The following TNPO3 variants were observed in gnomAD, a reference collection of about 807,000 sequenced individuals.
TNPO3 encodes transportin-3.
TNPO3 carries 65 observed loss-of-function variants against 122.8 expected under a neutral mutation model. That is an observed-to-expected ratio of 0.53 (90% CI 0.43 to 0.65). The LOEUF (loss-of-function observed/expected upper bound fraction) is 0.65. TNPO3 is among the 30% of genes least tolerant of loss of function. The pLI, the probability that TNPO3 is intolerant of heterozygous loss-of-function variation, is 0.00. For missense variants in TNPO3, 850 were observed against 1,136.7 expected (o/e 0.75, Z 3.63); for synonymous variants, 372 against 411.2 (o/e 0.90, Z 1.15).
At position 128,967,349 on chromosome 7, in the gene TNPO3, T is replaced by C; in HGVS notation, c.2642A>G (p.Lys881Arg). 1 of 1,614,046 alleles carries C rather than the reference T, an allele frequency of 6.2e-7. No homozygotes were observed. Among genetic ancestry groups the C allele is most frequent in the Non-Finnish European group, 8.5e-7 (1 of 1,179,900 alleles). The change falls in exon 21 of 23, where the codon AAG becomes AGG. Residue 881 changes from lysine (K) to arginine (R), a missense_variant. Lys to Arg is a conservative substitution (Grantham distance 26). Coordinates refer to ENST00000265388, the MANE Select transcript of TNPO3 (RefSeq NM_012470.4). ...WLENSLKGLPKETTVGAVTVT... is the reference protein window; with the variant it reads ...WLENSLKGLPRETTVGAVTVT... ...TGTGACGGCTCCCACGGTTGTTTCCTTTGGCAAACCTTTTAAGGAATTTTC... is the reference window on the plus strand; with the variant it reads ...TGTGACGGCTCCCACGGTTGTTTCCCTTGGCAAACCTTTTAAGGAATTTTC...
intron 1 of TNPO3, among the ~76,000 whole-genome samples, chr7:129,042,131 T>G (rs1329729618): frequency 6.6e-6 from 1 of 152,130 alleles, no homozygotes; most frequent in Non-Finnish European, 1.5e-5. Context: ...ACTCCTCAAA[T>G]TAAGCAGAAT....
chr7:128,976,916 G>A (rs1251780208), intron 16 of TNPO3, among the ~76,000 whole-genome samples: 1 of 152,156 alleles, frequency 6.6e-6, no homozygotes, highest in Admixed American at 6.5e-5. Flanking sequence ...ATTAAGTCAA[G>A]GGTTGCCAAA....
chr7:129,045,290 G>C (rs961167454), intron 1 of TNPO3, among the ~76,000 whole-genome samples: 3 of 152,112 alleles, frequency 2.0e-5, no homozygotes, highest in Non-Finnish European at 4.4e-5. Flanking sequence ...GGTGATGGTT[G>C]CACAACAATG....
intron 7 of TNPO3, among the ~76,000 whole-genome samples, chr7:128,998,868 T>G (rs1801625184): frequency 6.6e-6 from 1 of 151,942 alleles, no homozygotes; most frequent in African/African-American, 2.4e-5. Flanking sequence ...TATTTATTTT[T>G]TTTGAGATGG....
chr7:129,012,929 T>C (rs1366130820), intron 4 of TNPO3, among the ~76,000 whole-genome samples: 1 of 152,172 alleles, frequency 6.6e-6, no homozygotes, highest in African/African-American at 2.4e-5. Context: ...AGCCAACCCA[T>C]AAACTATAGA....
intron 1 of TNPO3, among the ~76,000 whole-genome samples, chr7:129,046,282 C>A (rs1808049999): frequency 6.6e-6 from 1 of 151,096 alleles, no homozygotes; most frequent in South Asian, 2.1e-4. Context: ...GTGGCTACTA[C>A]ACTGGATGAC....
At chr7:129,029,031 G>A (rs1178789363) in intron 1 of TNPO3, 1 of 367,202 alleles carries the variant, frequency 2.7e-6, no homozygotes, top group Non-Finnish European at 5.2e-6. Context: ...ATGGACCTTA[G>A]AGACATTCTA....
At position 129,038,321 on chromosome 7, in the gene TNPO3, C is replaced by T. The variant is rs538288812; in HGVS notation, c.120+16330G>A. Among the ~76,000 whole-genome samples, 129 of 151,786 alleles carry T rather than the reference C, an allele frequency of 8.5e-4. 1 individual carries two copies. The highest frequency in any genetic ancestry group is 1.5e-3 in the Non-Finnish European group (99 of 67,872). On this transcript the variant is annotated intron_variant, in intron 1 of 22. Transcript: ENST00000265388. ...GAACCCAATTTAAAAATGGACAAAG[C>T]AAAAAATAACAGATGCTGGTGAGGT...
In TNPO3 at chr7:128,979,994, G is replaced by C; in HGVS notation, c.1897C>G (p.Pro633Ala). Residue 633 changes from proline (P) to alanine (A), a missense_variant, in exon 15 of 23, where the codon CCG (proline) becomes GCG (alanine). Transcript: ENST00000265388. ...NPIVENGQTH[P>A]CQKVIQEIWP... ...ACTTCCTGTATGACTTTCTGACACG[G>C]ATGAGTCTGTCCATTTTCCACAATG... is the stretch of plus-strand genomic sequence containing the variant. The C allele has an allele frequency of 1.2e-6, 2 of 1,614,088 alleles. No individual in the cohort carries two copies. The highest frequency in any genetic ancestry group is 1.7e-6 in the Non-Finnish European group (2 of 1,179,974).
At chr7:128,987,320 T>C (rs1800268264) in intron 11 of TNPO3, among the ~76,000 whole-genome samples, 1 of 152,222 alleles carries the variant, frequency 6.6e-6, no homozygotes. Context: ...AAACAGCCTA[T>C]ATGAATCAGG....
At chr7:129,052,966 G>A (rs1808956929) in intron 1 of TNPO3, among the ~76,000 whole-genome samples, 1 of 152,168 alleles carries the variant, frequency 6.6e-6, no homozygotes, top group African/African-American at 2.4e-5. Context: ...GTAGCCTACA[G>A]TGAGTCGTAT....
Position 128,989,979 on chromosome 7 carries a change from G to A in TNPO3, c.1480C>T (p.Arg494Ter), listed in dbSNP as rs200448525. 2.5e-6 allele frequency: 4 copies of A among 1,614,126 alleles called. No individual in the cohort carries two copies. Among genetic ancestry groups the A allele is most frequent in the Admixed American group, 1.7e-5 (1 of 60,030 alleles). Reference sequence around the variant, plus strand: ...CACATACCAAGGAACTGAGGATTTCGATCAACGACTTCACTCATCTCTCCA... The same window carrying A: ...CACATACCAAGGAACTGAGGATTTCAATCAACGACTTCACTCATCTCTCCA... ...LVGEMSEVVD[R>*]NPQFLDPVLG... Residue 494 changes from arginine (R) to a stop codon, truncating the protein, a stop_gained, in exon 11 of 23, where the codon CGA becomes TGA. Coordinates refer to ENST00000265388, the MANE Select transcript of TNPO3 (RefSeq NM_012470.4). LOFTEE classifies it high-confidence loss of function.
At chr7:129,054,363 C>T (rs2150584330) in intron 1 of TNPO3, among the ~76,000 whole-genome samples, 1 of 152,154 alleles carries the variant, frequency 6.6e-6, no homozygotes, top group East Asian at 1.9e-4. Flanking sequence ...CAAGAAGCAA[C>T]GGCAAAGGGA....
chr7:128,967,324 TG>T lies in TNPO3; in HGVS notation c.2666del (p.Thr889LysfsTer2). The part of the protein sequence containing the change: ...LPKETTVGAV[T>X]VTHKQLTDFH... Reference sequence around the variant, plus strand: ...AGTCTGTAAGTTGTTTGTGTGTCACTGTGACGGCTCCCACGGTTGTTTCCTT... The same window carrying T: ...AGTCTGTAAGTTGTTTGTGTGTCACTTGACGGCTCCCACGGTTGTTTCCTT... On this transcript the variant is annotated frameshift_variant, in exon 21 of 23. Coordinates refer to ENST00000265388, the MANE Select transcript of TNPO3 (RefSeq NM_012470.4). LOFTEE classifies it high-confidence loss of function. 6.2e-7 allele frequency: 1 copy of T among 1,614,076 alleles called. No individual in the cohort carries two copies. The highest frequency in any genetic ancestry group is 8.5e-7 in the Non-Finnish European group (1 of 1,179,906).
intron 16 of TNPO3, among the ~76,000 whole-genome samples, chr7:128,977,758 G>A (rs553711823): frequency 2.0e-5 from 3 of 152,086 alleles, no homozygotes; most frequent in African/African-American, 4.8e-5. Flanking sequence ...CACTGCGCCT[G>A]GCTAATTTTT....
intron 1 of TNPO3, among the ~76,000 whole-genome samples, chr7:129,031,359 G>A (rs1183237090): frequency 6.6e-6 from 1 of 151,906 alleles, no homozygotes; most frequent in Non-Finnish European, 1.5e-5. Context: ...AGAAATAAAA[G>A]TCAGGATATT....
At chr7:129,045,596 A>T (rs920585231) in intron 1 of TNPO3, among the ~76,000 whole-genome samples, 4 of 152,176 alleles carry the variant, frequency 2.6e-5, no homozygotes, top group African/African-American at 9.6e-5. Flanking sequence ...CTCCATAAAC[A>T]TCAGTGCAAT....
At chr7:128,991,105 A>C (rs1161214339) in intron 10 of TNPO3, among the ~76,000 whole-genome samples, 1 of 152,230 alleles carries the variant, frequency 6.6e-6, no homozygotes, top group Non-Finnish European at 1.5e-5. Flanking sequence ...GATTTTAATA[A>C]TCTTCAGACT....
At chr7:128,994,417 C>T (rs1165578436) in intron 8 of TNPO3, among the ~76,000 whole-genome samples, 2 of 152,048 alleles carry the variant, frequency 1.3e-5, no homozygotes, top group Non-Finnish European at 2.9e-5. Context: ...CTCGACCTCC[C>T]AAAGTGTTAG....
Sources: allele counts gnomAD v4.1 joint callset (sites outside exome capture counted in the v4.1 genomes callset), GRCh38; gene constraint gnomAD v4.1.1; transcripts MANE v1.5; gene names NCBI Gene and HGNC (gene_info 2026-07-23, HGNC 2026-07-21).